The following COL6A1 variants were observed in gnomAD, a reference collection of about 807,000 sequenced individuals.
COL6A1 encodes the protein collagen alpha-1(VI) chain.
COL6A1 carries 80 observed loss-of-function variants against 145.6 expected under a neutral mutation model. That is an observed-to-expected ratio of 0.55 (90% CI 0.46 to 0.66). The LOEUF (loss-of-function observed/expected upper bound fraction) is 0.66, where lower values mean the gene tolerates loss of function less well. COL6A1 is among the 30% of genes least tolerant of loss of function. The pLI is 0.00. For synonymous variants in COL6A1, 638 were observed against 622.8 expected (o/e 1.02, Z -0.36); for missense variants, 1,364 against 1,473.8 (o/e 0.93, Z 1.22).
chr21:46,002,965 G>T (rs926802757), intron 33 of COL6A1, among the ~76,000 whole-genome samples, 155 bp from the exon 34 acceptor site: 2 of 152,204 alleles, frequency 1.3e-5, no homozygotes, highest in African/African-American at 4.8e-5. Flanking sequence ...GCACGGGGCC[G>T]CCTGGGGCTG....
chr21:45,999,051 G>A lies in COL6A1; in HGVS notation c.1674+92G>A, dbSNP rs1339622124. The A allele has an allele frequency of 2.6e-6, 4 of 1,543,108 alleles. No homozygotes were observed. The East Asian group carries it at 9.8e-5, about 38-fold the overall frequency. ...GGCAGTGGACCAGGACCCGCTTGGG[G>A]AGGCCTCATGGGCCCCGGCTGCTGG... On this transcript the variant is annotated intron_variant, in intron 25 of 34. Transcript: ENST00000361866.
chr21:45,999,463 G>A (rs963436847), intron 26 of COL6A1, 194 bp from the exon 27 acceptor site: 40 of 759,632 alleles, frequency 5.3e-5, no homozygotes, highest in Non-Finnish European at 7.1e-5. Flanking sequence ...TGGGATGGCC[G>A]CCTGGACCAC....
At chr21:45,986,783 T>C (rs2077741708) in intron 4 of COL6A1, 98 bp downstream of exon 4, 6 of 1,513,312 alleles carry the variant, frequency 4.0e-6, no homozygotes, top group Non-Finnish European at 5.3e-6. Flanking sequence ...CTCGGGAGGG[T>C]GTGGGTTCTC....
chr21:46,003,340 C>G lies in COL6A1; in HGVS notation c.2465-51C>G, dbSNP rs775680365. 2.5e-6 allele frequency: 4 copies of G among 1,600,156 alleles called. No homozygotes were observed. The African/African-American group carries it at 4.0e-5, about 16-fold the overall frequency. On this transcript the variant is annotated intron_variant, in intron 34 of 34. Coordinates refer to ENST00000361866, the MANE Select transcript of COL6A1 (RefSeq NM_001848.3). ...TAGACGCTCTCTGGCCGGCCCACTGCGGCTGCATCACCAGGGCCTCATGCT... is the reference window on the plus strand; with the variant it reads ...TAGACGCTCTCTGGCCGGCCCACTGGGGCTGCATCACCAGGGCCTCATGCT...
At chr21:45,985,200 A>G (rs2077732261) in intron 3 of COL6A1, among the ~76,000 whole-genome samples, 1 of 151,824 alleles carries the variant, frequency 6.6e-6, no homozygotes, top group Non-Finnish European at 1.5e-5. Flanking sequence ...AGAAGCAGAG[A>G]CAGACAGAGG....
In COL6A1 at chr21:45,987,079, C is replaced by T; in HGVS notation, c.717+7C>T. On this transcript the variant is annotated splice_region_variant and intron_variant, in intron 5 of 34. Coordinates refer to ENST00000361866, the MANE Select transcript of COL6A1 (RefSeq NM_001848.3). ...CACCATCGTGGACATGATCGTGAGG[C>T]CCCTGCCCAGGAGACGGGGAGGCCC... 6.4e-7 allele frequency: 1 copy of T among 1,559,744 alleles called. No individual in the cohort carries two copies. The highest frequency in any genetic ancestry group is 8.7e-7 in the Non-Finnish European group (1 of 1,152,374).
In COL6A1 at chr21:45,982,563, AG is replaced by A. The variant is rs2077714120; in HGVS notation, c.98-68del. ...TGCTGCAGGCGCTGGGCTGGCCGGG[AG>A]GGCAGGCCCAGCAGAGACTCGGGGA... On this transcript the variant is annotated intron_variant, in intron 1 of 34. Transcript: ENST00000361866. The A allele has an allele frequency of 2.5e-6, 4 of 1,605,658 alleles. No homozygotes were observed. In the African/African-American group the frequency reaches 5.4e-5, roughly 21 times the overall value.
intron 19 of COL6A1, among the ~76,000 whole-genome samples, chr21:45,993,109 C>T (rs1045561918): frequency 7.2e-5 from 11 of 152,232 alleles, no homozygotes; most frequent in African/African-American, 2.7e-4. Flanking sequence ...AATAATTTTC[C>T]TTAGTTAAAA....
Position 45,997,454 on chromosome 21 carries a change from C to G in COL6A1, c.1432C>G (p.Arg478Gly), listed in dbSNP as rs1322270046. 9.3e-6 allele frequency: 15 copies of G among 1,612,772 alleles called. No homozygotes were observed. In the Admixed American group the frequency reaches 2.5e-4, roughly 27 times the overall value. The change falls in exon 21 of 35, where the codon CGA (arginine) becomes GGA (glycine). Residue 478 changes from arginine to glycine, a missense_variant. Arg to Gly is a moderately radical substitution (Grantham distance 125). Transcript: ENST00000361866. ...EAGPIGPKGY[R>G]GDEGPPGSEG... ...TGGCCCTATCGGACCTAAAGGCTAC[C>G]GAGGCGATGAGGGTCCCCCAGGGTC... is the stretch of plus-strand genomic sequence containing the variant.
At chr21:45,986,416 G>C in intron 3 of COL6A1, 110 bp from the exon 4 acceptor site, 2 of 1,060,134 alleles carry the variant, frequency 1.9e-6, no homozygotes, top group African/African-American at 1.6e-5. Flanking sequence ...TCAGCAAAGA[G>C]AGGCGGCTCC....
chr21:45,999,362 G>A lies in COL6A1; in HGVS notation c.1740+144G>A, dbSNP rs2077825173. ...AGCACGTCATCTGGGAGGCCCTGGG[G>A]GTGGGAGGTGCCGGTCACCAGGGCC... is the stretch of plus-strand genomic sequence containing the variant. On this transcript the variant is annotated intron_variant, in intron 26 of 34. Coordinates refer to ENST00000361866, the MANE Select transcript of COL6A1 (RefSeq NM_001848.3). The A allele has an allele frequency of 7.8e-6, 7 of 897,062 alleles. No individual in the cohort carries two copies. The Admixed American group carries it at 1.2e-4, about 16-fold the overall frequency. The allele number at this position is 897,062 out of a possible 1,614,324, so 55.6% of individuals were successfully genotyped here.
At chr21:45,993,021 G>A (rs574395361) in intron 19 of COL6A1, among the ~76,000 whole-genome samples, 2 of 152,378 alleles carry the variant, frequency 1.3e-5, no homozygotes, top group Non-Finnish European at 2.9e-5. Context: ...ATGTGAAGGC[G>A]TTGCCCGTGG....
chr21:46,002,614 T>C lies in COL6A1; in HGVS notation c.2338T>C (p.Ser780Pro), dbSNP rs754399146. The C allele has an allele frequency of 5.0e-6, 8 of 1,613,892 alleles. No homozygotes were observed. In the Admixed American group the frequency reaches 5.0e-5, roughly 10 times the overall value. Residue 780 changes from serine to proline, a missense_variant, in exon 33 of 35, where the codon TCC becomes CCC. By Grantham distance (74) the Ser-to-Pro change is moderately conservative. Around this residue, in one of 3 missense-constraint regions of COL6A1, gnomAD observed 938 missense variants for 1,003.8 expected, o/e 0.93. Transcript: ENST00000361866. ...NVISCQGLAP[S>P]QGRPGLSLVK... ...CATTTCTTGCCAAGGCCTGGCACCATCCCAGGGCCGGCCCGGCCTCTCGCT... is the reference window on the plus strand; with the variant it reads ...CATTTCTTGCCAAGGCCTGGCACCACCCCAGGGCCGGCCCGGCCTCTCGCT...
intron 7 of COL6A1, 39 bp downstream of exon 7, chr21:45,987,558 C>T (rs541060504): frequency 6.2e-7 from 1 of 1,612,746 alleles, no homozygotes. Flanking sequence ...GCGCCCTGCA[C>T]CCTGGGAACC....
Position 45,986,929 on chromosome 21 carries a change from G to A in COL6A1, c.589-15G>A. The A allele has an allele frequency of 6.5e-7, 1 of 1,544,506 alleles. No homozygotes were observed. Among genetic ancestry groups the A allele is most frequent in the Non-Finnish European group, 8.7e-7 (1 of 1,149,510 alleles). ...GTCCCAGCCCTGCTCAGCCCACCCTGAACACTGCCCCCAGGAGCCGCGTCT... is the reference window on the plus strand; with the variant it reads ...GTCCCAGCCCTGCTCAGCCCACCCTAAACACTGCCCCCAGGAGCCGCGTCT... On this transcript the variant is annotated splice_polypyrimidine_tract_variant and intron_variant, in intron 4 of 34. Coordinates refer to ENST00000361866, the MANE Select transcript of COL6A1 (RefSeq NM_001848.3).
In COL6A1 at chr21:45,986,606, G is replaced by A. The variant is rs1309872535; in HGVS notation, c.509G>A (p.Gly170Glu). 1.9e-6 allele frequency: 3 copies of A among 1,558,586 alleles called. No homozygotes were observed. Among genetic ancestry groups the A allele is most frequent in the Admixed American group, 1.9e-5 (1 of 52,552 alleles). The change falls in exon 4 of 35, where the codon GGG becomes GAG. Residue 170 changes from glycine (G) to glutamate (E), a missense_variant. This residue lies in a region of COL6A1 where 414 missense variants were observed against 437.6 expected (regional missense o/e 0.95). Coordinates refer to ENST00000361866, the MANE Select transcript of COL6A1 (RefSeq NM_001848.3). ...HPLEGYKEPC[G>E]GLEDAVNEAK... ...CTGGAGGGCTACAAGGAACCCTGTG[G>A]GGGGCTGGAGGATGCTGTGAACGAG...
rs370546340 is a variant in COL6A1 at position 46,002,629 on chromosome 21, G to A, written c.2353G>A (p.Gly785Ser). The A allele has an allele frequency of 9.9e-6, 16 of 1,613,878 alleles. No homozygotes were observed. Among genetic ancestry groups the A allele is most frequent in the Middle Eastern group, 1.6e-4 (1 of 6,084 alleles). The change falls in exon 33 of 35, where the codon GGC (glycine) becomes AGC (serine). Residue 785 changes from glycine to serine, a missense_variant. Gly to Ser is a moderately conservative substitution (Grantham distance 56). This residue lies in a region of COL6A1 where 938 missense variants were observed against 1,003.8 expected (regional missense o/e 0.93). Transcript: ENST00000361866. ...CCTGGCACCATCCCAGGGCCGGCCC[G>A]GCCTCTCGCTGGTCAAGGAGAACTA... ...QGLAPSQGRP[G>S]LSLVKENYAE... is the part of the protein sequence containing the mutation.
rs2077851045 is a variant in COL6A1, at chr21:46,002,273, CA to C, written c.2123del (p.Gln708ArgfsTer95). 1 of 1,599,906 alleles carries C rather than the reference CA, an allele frequency of 6.3e-7. No homozygotes were observed. Among genetic ancestry groups the C allele is most frequent in the African/African-American group, 1.3e-5 (1 of 74,806 alleles). On this transcript the variant is annotated frameshift_variant, in exon 32 of 35. Coordinates refer to ENST00000361866, the MANE Select transcript of COL6A1 (RefSeq NM_001848.3). LOFTEE classifies it high-confidence loss of function. ...AGGTFTGEALQYTRDQLLPPS... is the reference protein window; with the variant it reads ...AGGTFTGEALXYTRDQLLPPS... ...CGGCACCTTCACGGGGGAGGCCCTGCAGTACACGCGGGACCAGCTGCTGCCG... is the reference window on the plus strand; with the variant it reads ...CGGCACCTTCACGGGGGAGGCCCTGCGTACACGCGGGACCAGCTGCTGCCG...
chr21:45,991,570 T>C (rs1043331733), intron 15 of COL6A1, among the ~76,000 whole-genome samples: 70 of 152,224 alleles, frequency 4.6e-4, no homozygotes, highest in African/African-American at 1.6e-3. Context: ...CTCTGGAGTT[T>C]CTTTGTTGAA....
Sources: gnomAD v4.1 joint callset for allele counts (sites outside exome capture counted in the v4.1 genomes callset) on GRCh38, gnomAD v4.1.1 for gene constraint, gnomAD v4.1.1 regional missense constraint, MANE v1.5 for transcripts, NCBI Gene and HGNC (gene_info 2026-07-23, HGNC 2026-07-21) for gene names.